Variants in CBR3 observed in about 807,000 individuals in gnomAD.
CBR3 encodes carbonyl reductase 3.
Under a neutral mutation model 11.6 loss-of-function variants are expected in CBR3, and 14 were observed. That is an observed-to-expected ratio of 1.20 (90% confidence interval 0.79 to 1.88). CBR3 has a LOEUF of 1.88. CBR3 is among the 40% of genes most tolerant of loss of function. The pLI is 0.00. For synonymous variants in CBR3, 125 were observed against 145.6 expected (o/e 0.86, Z 1.02); for missense variants, 308 against 357.3 (o/e 0.86, Z 1.11).
In CBR3 at chr21:36,135,516, C is replaced by T. The variant is rs1048219171; in HGVS notation, c.289+35C>T. The T allele has an allele frequency of 8.4e-6, 13 of 1,556,838 alleles. 1 individual carries two copies. In the Admixed American group the frequency reaches 1.8e-4, roughly 22 times the overall value. ...GGGCTTGGGTTGGGGCCCCCTGGAGCGCTCCGAGGGTGCGGAGGTGGCCAG... is the reference window on the plus strand; with the variant it reads ...GGGCTTGGGTTGGGGCCCCCTGGAGTGCTCCGAGGGTGCGGAGGTGGCCAG... On this transcript the variant is annotated intron_variant, in intron 1 of 2. Transcript: ENST00000290354.
At chr21:36,144,294 T>TA (rs1053881710) in intron 2 of CBR3, among the ~76,000 whole-genome samples, 4 of 151,790 alleles carry the variant, frequency 2.6e-5, no homozygotes, top group Admixed American at 2.0e-4. Flanking sequence ...TCATCTCTAC[T>TA]AAAAAAATAC....
intron 2 of CBR3, among the ~76,000 whole-genome samples, chr21:36,142,553 G>C (rs71330651): frequency 5.9e-5 from 9 of 151,702 alleles, no homozygotes; most frequent in Non-Finnish European, 8.8e-5. Flanking sequence ...CTGTATTTTA[G>C]ATAATAGTGT....
Position 36,135,516 on chromosome 21 carries a change from C to G in CBR3, c.289+35C>G, listed in dbSNP as rs1048219171. The G allele has an allele frequency of 4.5e-6, 7 of 1,556,838 alleles. No individual in the cohort carries two copies. In the East Asian group the frequency reaches 1.6e-4, roughly 36 times the overall value. On this transcript the variant is annotated intron_variant, in intron 1 of 2. Transcript: ENST00000290354. ...GGGCTTGGGTTGGGGCCCCCTGGAGCGCTCCGAGGGTGCGGAGGTGGCCAG... is the reference window on the plus strand; with the variant it reads ...GGGCTTGGGTTGGGGCCCCCTGGAGGGCTCCGAGGGTGCGGAGGTGGCCAG...
At position 36,135,226 on chromosome 21, in the gene CBR3, G is replaced by C. The variant is rs763727652; in HGVS notation, c.34G>C (p.Gly12Arg). Residue 12 changes from glycine (G) to arginine (R), a missense_variant, in exon 1 of 3, where the codon GGG (glycine) becomes CGG (arginine). Coordinates refer to ENST00000290354, the MANE Select transcript of CBR3 (RefSeq NM_001236.4). Reference protein sequence around the residue: ...SSCSRVALVTGANRGIGLAIA... With the variant: ...SSCSRVALVTRANRGIGLAIA... ...CTGCAGCCGCGTGGCGCTGGTGACC[G>C]GGGCCAACAGGGGCATCGGCTTGGC... is the stretch of plus-strand genomic sequence containing the variant. 1.3e-6 allele frequency: 2 copies of C among 1,538,504 alleles called. No individual in the cohort carries two copies. Among genetic ancestry groups the C allele is most frequent in the South Asian group, 1.2e-5 (1 of 81,002 alleles).
At chr21:36,146,055 A>T (rs750202412) in intron 2 of CBR3, 21 bp from the exon 3 acceptor site, 6 of 1,546,558 alleles carry the variant, frequency 3.9e-6, no homozygotes, top group South Asian at 1.1e-5. Flanking sequence ...ATGCTTTCAT[A>T]TATTTATCAT....
rs1164981136 is a variant in CBR3, at chr21:36,143,873, CTG to C, written c.398-2201_398-2200del. On this transcript the variant is annotated intron_variant, in intron 2 of 2. Transcript: ENST00000290354. ...CCAGCTTGGCTGGCAGAGTGAGATTCTGTCTCAAAAAAAAAAAAAAAAAAAAA... is the reference window on the plus strand; with the variant it reads ...CCAGCTTGGCTGGCAGAGTGAGATTCTCTCAAAAAAAAAAAAAAAAAAAAA... 4.0e-5 allele frequency among the ~76,000 whole-genome samples: 4 copies of C among 99,956 alleles called. No homozygotes were observed. In the Admixed American group the frequency reaches 4.9e-4, roughly 12 times the overall value. The allele number at this position is 99,956 out of a possible 152,430, so 65.6% of individuals were successfully genotyped here.
chr21:36,138,724 CTTTTCT>C (rs1303294636), intron 2 of CBR3: 2 of 141,332 alleles, frequency 1.4e-5, no homozygotes, highest in East Asian at 2.0e-4. Context: ...AAGAAATTTT[CTTTTCT>C]TTTTTTTTCT....
rs1555883290 is a variant in CBR3 at position 36,142,439 on chromosome 21, A to AAAACAAACAAACAAACAAAC, written c.398-3634_398-3633insCAAACAAACAAACAAACAAA. ...AGAGCGAGACTCCATCTCAAAAAAA[A>AAAACAAACAAACAAACAAAC]AAAAAAAAACGCAATCCATGATCCT... On this transcript the variant is annotated intron_variant, in intron 2 of 2. Transcript: ENST00000290354. Among the ~76,000 whole-genome samples, 73 of 147,758 alleles carry AAAACAAACAAACAAACAAAC rather than the reference A, an allele frequency of 4.9e-4. 5 individuals carry two copies. The highest frequency in any genetic ancestry group is 1.8e-3 in the African/African-American group (72 of 39,072).
At chr21:36,141,877 C>G (rs1269982802) in intron 2 of CBR3, 2 of 967,852 alleles carry the variant, frequency 2.1e-6, no homozygotes, top group African/African-American at 1.8e-5. Context: ...CTTCTATGAT[C>G]TGTGTTTTTC....
chr21:36,146,284 G>T lies in CBR3; in HGVS notation c.606G>T (p.Thr202=). Residue 202 remains threonine, a synonymous_variant, in exon 3 of 3, where the codon ACG becomes ACT. Transcript: ENST00000290354. ...ATGGGGTGTCCAAGTTGGGGGTCACGGTCTTATCGAGGATCCTGGCCAGGC... is the reference window on the plus strand; with the variant it reads ...ATGGGGTGTCCAAGTTGGGGGTCACTGTCTTATCGAGGATCCTGGCCAGGC... ...SPYGVSKLGV[T]VLSRILARRL... is the part of the protein sequence containing the mutation. 1 of 1,614,148 alleles carries T rather than the reference G, an allele frequency of 6.2e-7. No individual in the cohort carries two copies. The highest frequency in any genetic ancestry group is 1.3e-5 in the African/African-American group (1 of 75,048).
Position 36,146,523 on chromosome 21 carries a change from C to A in CBR3, c.*11C>A. The A allele has an allele frequency of 6.4e-7, 1 of 1,569,658 alleles. No homozygotes were observed. The highest frequency in any genetic ancestry group is 1.2e-5 in the South Asian group (1 of 85,576). On this transcript the variant is annotated 3_prime_UTR_variant, in exon 3 of 3. Transcript: ENST00000290354. ...GTGCAAAACTGGTAAACGTCTGCTT[C>A]GGAGCTTGCTGCTTAATAAATGTTG...
In CBR3 at chr21:36,146,262, G is replaced by C. The variant is rs762773447; in HGVS notation, c.584G>C (p.Gly195Ala). Residue 195 changes from glycine to alanine, a missense_variant, in exon 3 of 3, where the codon GGG (glycine) becomes GCG (alanine). Gly to Ala is a moderately conservative substitution (Grantham distance 60). Coordinates refer to ENST00000290354, the MANE Select transcript of CBR3 (RefSeq NM_001236.4). ...GAAGGCTGGCCCAACTCACCTTATG[G>C]GGTGTCCAAGTTGGGGGTCACGGTC... ...EREGWPNSPY[G>A]VSKLGVTVLS... 1 of 1,614,124 alleles carries C rather than the reference G, an allele frequency of 6.2e-7. No individual in the cohort carries two copies. Among genetic ancestry groups the C allele is most frequent in the Admixed American group, 1.7e-5 (1 of 60,002 alleles).
intron 1 of CBR3, among the ~76,000 whole-genome samples, chr21:36,136,206 A>G (rs561729860): frequency 6.6e-6 from 1 of 151,736 alleles, no homozygotes; most frequent in East Asian, 2.0e-4. Context: ...TAATGCCAGC[A>G]CTTTGGGAGG....
intron 2 of CBR3, chr21:36,141,535 C>T (rs1275374234): frequency 1.3e-5 from 2 of 152,190 alleles, no homozygotes; most frequent in African/African-American, 4.8e-5. Context: ...TCAGTAAGTC[C>T]TAAGTGGAAC....
Position 36,135,177 on chromosome 21 carries a change from C to T in CBR3, c.-16C>T. 7.0e-7 allele frequency: 1 copy of T among 1,435,296 alleles called. No homozygotes were observed. The highest frequency in any genetic ancestry group is 9.1e-7 in the Non-Finnish European group (1 of 1,097,202). The allele number at this position is 1,435,296 out of a possible 1,614,324, so 88.9% of individuals were successfully genotyped here. A position where few individuals can be genotyped will look rare whatever the true frequency, so the allele number is the denominator to read the frequency against. On this transcript the variant is annotated 5_prime_UTR_variant, in exon 1 of 3. Coordinates refer to ENST00000290354, the MANE Select transcript of CBR3 (RefSeq NM_001236.4). ...GTCCGCCCTCCACGCAGGTGCCCCG[C>T]GCTCCCCGCTCAGCCATGTCGTCCT...
intron 2 of CBR3, chr21:36,138,536 CTG>C (rs1423968964): frequency 6.6e-6 from 1 of 152,346 alleles, no homozygotes; most frequent in African/African-American, 2.4e-5. Context: ...TGATAGAATG[CTG>C]TGAGTCCCCA....
At chr21:36,142,445 A>AAAAAAAAAAAAAAAAAAAAAC (rs1568981467) in intron 2 of CBR3, among the ~76,000 whole-genome samples, 1 of 148,828 alleles carries the variant, frequency 6.7e-6, no homozygotes, top group African/African-American at 2.5e-5. Context: ...AAAAAAAAAA[A>AAAAAAAAAAAAAAAAAAAAAC]AAACGCAATC....
intron 2 of CBR3, among the ~76,000 whole-genome samples, chr21:36,143,462 AT>A (rs1360462656): frequency 3.3e-5 from 5 of 152,184 alleles, no homozygotes; most frequent in Admixed American, 6.5e-5. Context: ...AAATTGTAAA[AT>A]TTTTGGCCTA....
chr21:36,146,020 C>T, intron 2 of CBR3, 56 bp from the exon 3 acceptor site: 5 of 881,684 alleles, frequency 5.7e-6, no homozygotes, highest in Non-Finnish European at 8.8e-6. Flanking sequence ...GTATATTATT[C>T]AACCAGTGGT....
Sources: allele counts gnomAD v4.1 joint callset (sites outside exome capture counted in the v4.1 genomes callset), GRCh38; gene constraint gnomAD v4.1.1; transcripts MANE v1.5; gene names NCBI Gene and HGNC (gene_info 2026-07-23, HGNC 2026-07-21).